Variants in TENM2 observed in about 807,000 individuals in gnomAD.
TENM2 encodes teneurin transmembrane protein 2.
In TENM2, 52 loss-of-function variants were observed where a neutral mutation model predicts 245.2. That is an observed-to-expected ratio of 0.21 (90% confidence interval 0.17 to 0.27). TENM2 has a LOEUF of 0.27. Ranked by LOEUF, TENM2 falls within the 10% of genes least tolerant of loss-of-function variation. TENM2 has a pLI of 1.00. For synonymous variants in TENM2, 1,363 were observed against 1,438.9 expected, an observed-to-expected ratio of 0.95 and a Z score of 1.19; for missense variants, 3,046 against 3,666.8, an observed-to-expected ratio of 0.83 and a Z score of 4.37.
intron 5 of TENM2, among the ~76,000 whole-genome samples, chr5:168,018,684 G>T (rs1233659836): frequency 1.3e-5 from 2 of 152,116 alleles, no homozygotes; most frequent in Non-Finnish European, 2.9e-5. Flanking sequence ...TTAGGTGAGA[G>T]ATTCCCTACA....
intron 2 of TENM2, among the ~76,000 whole-genome samples, chr5:167,657,361 A>G (rs906702656): frequency 3.3e-5 from 5 of 152,084 alleles, no homozygotes; most frequent in Admixed American, 1.3e-4. Context: ...TATGCACCAC[A>G]TTTTCTTTAT....
the TENM2 span, among the ~76,000 whole-genome samples, chr5:167,229,669 C>T: frequency 6.6e-6 from 1 of 152,134 alleles, no homozygotes; most frequent in East Asian, 1.9e-4. Flanking sequence ...CTGGGCTCAG[C>T]ATCCCCATGT....
intron 3 of TENM2, among the ~76,000 whole-genome samples, chr5:167,879,125 A>G (rs1045366840): frequency 6.6e-6 from 1 of 152,226 alleles, no homozygotes; most frequent in African/African-American, 2.4e-5. Flanking sequence ...AACTACAGGA[A>G]CGAAAATGTT....
exon 18 of TENM2, chr5:168,203,753 C>T (rs1247439755): frequency 1.2e-6 from 2 of 1,613,392 alleles, no homozygotes; most frequent in Admixed American, 1.7e-5. Context: ...GGACAGCCCT[C>T]CTTCAGGGAT....
chr5:166,994,587 T>C, the TENM2 span, among the ~76,000 whole-genome samples: 38 of 152,212 alleles, frequency 2.5e-4, no homozygotes, highest in Admixed American at 2.4e-3. Context: ...TTTTTAGATA[T>C]GCATGTTCTT....
At chr5:167,224,127 C>G in the TENM2 span, among the ~76,000 whole-genome samples, 1 of 152,028 alleles carries the variant, frequency 6.6e-6, no homozygotes, top group Admixed American at 6.6e-5. Context: ...AATTTTTTCT[C>G]CTTTTCAAAA....
At chr5:167,006,716 G>T in the TENM2 span, among the ~76,000 whole-genome samples, 3 of 151,442 alleles carry the variant, frequency 2.0e-5, no homozygotes, top group Admixed American at 6.6e-5. Context: ...GCCCAGGTTG[G>T]TGTGCAATGG....
At chr5:167,967,979 C>T (rs1781502854) in intron 4 of TENM2, among the ~76,000 whole-genome samples, 1 of 152,142 alleles carries the variant, frequency 6.6e-6, no homozygotes, top group African/African-American at 2.4e-5. Flanking sequence ...CCAGATAAGG[C>T]ATCCGCAGTC....
chr5:168,209,910 A>G (rs544550094), intron 19 of TENM2, among the ~76,000 whole-genome samples: 27 of 152,346 alleles, frequency 1.8e-4, no homozygotes, highest in African/African-American at 6.5e-4. Flanking sequence ...GGCAGCTCTG[A>G]GAGACGGGCT....
chr5:168,100,983 C>T (rs1313814989), intron 9 of TENM2, among the ~76,000 whole-genome samples: 2 of 151,278 alleles, frequency 1.3e-5, no homozygotes, highest in African/African-American at 2.4e-5. Context: ...CTGTGTCAGG[C>T]CAGAAGCCAC....
At chr5:167,929,180 A>G (rs2151693655) in intron 3 of TENM2, among the ~76,000 whole-genome samples, 1 of 148,808 alleles carries the variant, frequency 6.7e-6, no homozygotes, top group African/African-American at 2.5e-5. Context: ...GGAGGGAAGG[A>G]AGGAAAAAGG....
intron 3 of TENM2, among the ~76,000 whole-genome samples, chr5:167,903,369 G>A (rs951331851): frequency 3.9e-5 from 6 of 152,260 alleles, no homozygotes; most frequent in Middle Eastern, 3.4e-3. Context: ...GATTACCAAT[G>A]TGAGAGCGAT....
chr5:167,435,183 G>T (rs1339495358), intron 2 of TENM2, among the ~76,000 whole-genome samples: 2 of 152,148 alleles, frequency 1.3e-5, no homozygotes, highest in African/African-American at 4.8e-5. Flanking sequence ...TAATCAGAGA[G>T]ATCTGGAGAA....
At position 167,788,051 on chromosome 5, in the gene TENM2, G is replaced by A. The variant is rs1056456683; in HGVS notation, c.503-87935G>A. Among the ~76,000 whole-genome samples the A allele has an allele frequency of 7.2e-5, 11 of 152,238 alleles. No individual in the cohort carries two copies. In the East Asian group the frequency reaches 2.1e-3, roughly 29 times the overall value. ...CATGGCAATTAGTGGTGGATGGGTG[G>A]CCCAAGGAATTTTCTGTTTTCCAAG... On this transcript the variant is annotated intron_variant, in intron 2 of 28. Transcript: ENST00000518659.
chr5:167,359,827 A>C (rs1759591153), intron 1 of TENM2, among the ~76,000 whole-genome samples: 1 of 152,202 alleles, frequency 6.6e-6, no homozygotes, highest in Non-Finnish European at 1.5e-5. Flanking sequence ...ATGGAATACT[A>C]TGCAGCCATA....
intron 2 of TENM2, among the ~76,000 whole-genome samples, chr5:167,617,376 T>C (rs1052992515): frequency 6.6e-6 from 1 of 152,146 alleles, no homozygotes; most frequent in African/African-American, 2.4e-5. Context: ...AAAATGATCT[T>C]GGAGAAAACT....
intron 5 of TENM2, among the ~76,000 whole-genome samples, chr5:168,019,795 T>C (rs1785981722): frequency 1.3e-5 from 2 of 152,226 alleles, no homozygotes; most frequent in Admixed American, 6.5e-5. Flanking sequence ...GAATTGGGTT[T>C]AATAAACTTT....
chr5:167,479,346 G>A (rs895416799), intron 2 of TENM2, among the ~76,000 whole-genome samples: 3 of 152,090 alleles, frequency 2.0e-5, no homozygotes, highest in Non-Finnish European at 4.4e-5. Context: ...ATATAAAAGT[G>A]AAAGATTTGG....
intron 5 of TENM2, among the ~76,000 whole-genome samples, chr5:168,002,547 G>C (rs577614443): frequency 6.6e-6 from 1 of 152,310 alleles, no homozygotes; most frequent in South Asian, 2.1e-4. Context: ...TGAATTAGAT[G>C]CATCTTTGAA....
Sources: gnomAD v4.1 joint callset for allele counts (sites outside exome capture counted in the v4.1 genomes callset) on GRCh38, gnomAD v4.1.1 for gene constraint, MANE v1.5 for transcripts, NCBI Gene and HGNC (gene_info 2026-07-23, HGNC 2026-07-21) for gene names.